PIK3CA: variants seen among roughly 807,000 people sequenced by gnomAD.
The protein encoded by PIK3CA is phosphatidylinositol 4,5-bisphosphate 3-kinase catalytic subunit alpha isoform.
PIK3CA carries 27 observed loss-of-function variants against 138.2 expected under a neutral mutation model. The observed-to-expected ratio is 0.20, with a 90% CI of 0.14 to 0.27. PIK3CA has a LOEUF of 0.27. PIK3CA is among the 10% of genes least tolerant of loss of function. The pLI, the probability that PIK3CA is intolerant of heterozygous loss-of-function variation, is 1.00. For missense variants in PIK3CA, 544 were observed against 1,277.4 expected, an observed-to-expected ratio of 0.43 and a Z score of 8.75; for synonymous variants, 358 against 413.2, an observed-to-expected ratio of 0.87 and a Z score of 1.62.
intron 1 of PIK3CA, among the ~76,000 whole-genome samples, chr3:179,164,615 C>A (rs1176296508): frequency 2.6e-5 from 4 of 152,114 alleles, no homozygotes; most frequent in Non-Finnish European, 5.9e-5. Context: ...TGCCTGTAAT[C>A]CCAGCACTTT....
intron 1 of PIK3CA, among the ~76,000 whole-genome samples, chr3:179,185,066 T>G (rs1723942740): frequency 6.6e-6 from 1 of 152,192 alleles, no homozygotes; most frequent in African/African-American, 2.4e-5. Context: ...TAGCAACTGT[T>G]TTCCAAGAAG....
chr3:179,149,643 C>T (rs1722958833), intron 1 of PIK3CA: 1 of 152,188 alleles, frequency 6.6e-6, no homozygotes, highest in African/African-American at 2.4e-5. Flanking sequence ...TGTGCACATG[C>T]AGGACCTGGG....
chr3:179,175,318 G>A (rs1194537476), intron 1 of PIK3CA, among the ~76,000 whole-genome samples: 1 of 152,144 alleles, frequency 6.6e-6, no homozygotes, highest in Admixed American at 6.5e-5. Flanking sequence ...TATTGCTCTG[G>A]TATCTTCCAG....
intron 9 of PIK3CA, among the ~76,000 whole-genome samples, chr3:179,212,822 TAAC>T (rs1377702725): frequency 1.3e-5 from 2 of 152,206 alleles, no homozygotes; most frequent in Non-Finnish European, 2.9e-5. Context: ...ATTTTCTTAA[TAAC>T]ATTTTATTTT....
At chr3:179,182,007 CTT>C (rs918815652) in intron 1 of PIK3CA, among the ~76,000 whole-genome samples, 17 of 152,302 alleles carry the variant, frequency 1.1e-4, no homozygotes, top group African/African-American at 3.1e-4. Context: ...AACCTAAAAA[CTT>C]TCCCATTTCT....
chr3:179,183,614 A>T (rs1246571234), intron 1 of PIK3CA, among the ~76,000 whole-genome samples: 1 of 152,198 alleles, frequency 6.6e-6, no homozygotes, highest in Non-Finnish European at 1.5e-5. Context: ...TGTGCTTTAT[A>T]TCTATTTGTA....
intron 9 of PIK3CA, among the ~76,000 whole-genome samples, chr3:179,212,003 CTTTGTTTGTT>C (rs1280191264): frequency 6.6e-6 from 1 of 151,946 alleles, no homozygotes; most frequent in East Asian, 2.0e-4. Context: ...ACAACATAAA[CTTTGTTTGTT>C]TTTGTTTTTT....
chr3:179,239,876 TGACACAGCA>T lies in PIK3CA; in HGVS notation c.*5513_*5521del, dbSNP rs1410505652. The stretch of plus-strand genomic sequence containing the variant: ...TTTTAATGATGGCCCAGAAAGCATT[TGACACAGCA>T]AGATGCATGTGTTACTATATTGAGA... On this transcript the variant is annotated 3_prime_UTR_variant, in exon 21 of 21. Coordinates refer to ENST00000263967, the MANE Select transcript of PIK3CA (RefSeq NM_006218.4). 22 of 599,324 alleles carry T rather than the reference TGACACAGCA, an allele frequency of 3.7e-5. No individual in the cohort carries two copies. 37.1% of individuals were successfully genotyped at this position (599,324 alleles called of 1,614,324 possible). A position where few individuals can be genotyped will look rare whatever the true frequency, so the allele number is the denominator to read the frequency against.
chr3:179,195,173 G>T (rs1395823825), intron 1 of PIK3CA, among the ~76,000 whole-genome samples: 1 of 151,654 alleles, frequency 6.6e-6, no homozygotes, highest in Admixed American at 6.6e-5. Flanking sequence ...ACTCTTCCAG[G>T]CTTGTGTGTG....
rs1724950049 is a variant in PIK3CA at position 179,220,925 on chromosome 3, T to C, written c.2016-61T>C. The C allele has an allele frequency of 1.0e-6, 1 of 969,856 alleles. No individual in the cohort carries two copies. The highest frequency in any genetic ancestry group is 3.3e-5 in the Admixed American group (1 of 30,402). 60.1% of individuals were successfully genotyped at this position (969,856 alleles called of 1,614,324 possible). ...GAGTGTTTAAATTGTTTAGCAAAGA[T>C]TATTTGTATACTGATTTAAGACTAT... On this transcript the variant is annotated intron_variant, in intron 13 of 20. Transcript: ENST00000263967. The surrounding 1 kb of genome is among the most constrained non-coding windows in gnomAD (Gnocchi z 4.1).
rs779469679 is a variant in PIK3CA at position 179,239,692 on chromosome 3, A to G, written c.*5328A>G. On this transcript the variant is annotated 3_prime_UTR_variant, in exon 21 of 21. Coordinates refer to ENST00000263967, the MANE Select transcript of PIK3CA (RefSeq NM_006218.4). ...GTGGCACTACCAAAAGAAGACTACTAACACGTCAGATGTTCACCTGGAAGC... is the reference window on the plus strand; with the variant it reads ...GTGGCACTACCAAAAGAAGACTACTGACACGTCAGATGTTCACCTGGAAGC... The G allele has an allele frequency of 1.2e-5, 4 of 322,026 alleles. No individual in the cohort carries two copies. Among genetic ancestry groups the G allele is most frequent in the Non-Finnish European group, 2.3e-5 (4 of 176,804 alleles). 19.9% of individuals were successfully genotyped at this position (322,026 alleles called of 1,614,324 possible).
Position 179,219,583 on chromosome 3 carries a change from G to A in PIK3CA, c.1759G>A (p.Val587Ile), listed in dbSNP as rs1467831050. 1.4e-6 allele frequency: 2 copies of A among 1,458,258 alleles called. No individual in the cohort carries two copies. Among genetic ancestry groups the A allele is most frequent in the South Asian group, 1.1e-5 (1 of 87,112 alleles). The allele number at this position is 1,458,258 out of a possible 1,614,324, so 90.3% of individuals were successfully genotyped here. ...RDEVAQMYCLVKDWPPIKPEQ... is the reference protein window; with the variant it reads ...RDEVAQMYCLIKDWPPIKPEQ... ...TTCTCATACACAGATGTATTGCTTG[G>A]TAAAAGATTGGCCTCCAATCAAACC... The change falls in exon 12 of 21, where the codon GTA becomes ATA. Residue 587 changes from valine (V) to isoleucine (I), a missense_variant. This residue lies in a region of PIK3CA where 11 missense variants were observed against 48.4 expected (regional missense o/e 0.23). Transcript: ENST00000263967. The surrounding 1 kb of genome is among the most constrained non-coding windows in gnomAD (Gnocchi z 4.2).
intron 14 of PIK3CA, 67 bp downstream of exon 14, chr3:179,221,224 A>G (rs537477040): frequency 2.8e-6 from 3 of 1,078,956 alleles, no homozygotes; most frequent in Non-Finnish European, 4.2e-6. Flanking sequence ...TTAGAAGCCC[A>G]GTGTATATAC....
intron 1 of PIK3CA, among the ~76,000 whole-genome samples, chr3:179,183,981 G>A (rs1284728545): frequency 1.3e-5 from 2 of 151,684 alleles, no homozygotes; most frequent in African/African-American, 2.4e-5. Flanking sequence ...TAAAAGCAAG[G>A]TCCTTCTAGT....
At position 179,219,468 on chromosome 3, in the gene PIK3CA, T is replaced by C. The variant is rs1724916349; in HGVS notation, c.1747-103T>C. 1.0e-5 allele frequency: 7 copies of C among 673,882 alleles called. No homozygotes were observed. Among genetic ancestry groups the C allele is most frequent in the African/African-American group, 3.6e-5 (2 of 54,922 alleles). The allele number at this position is 673,882 out of a possible 1,614,324, so 41.7% of individuals were successfully genotyped here. A position where few individuals can be genotyped will look rare whatever the true frequency, so the allele number is the denominator to read the frequency against. ...CTGTAAATTCTAAGGAGATTATTTA[T>C]CTAAACTAATTTTAAAATCAGAAGT... On this transcript the variant is annotated intron_variant, in intron 11 of 20. Coordinates refer to ENST00000263967, the MANE Select transcript of PIK3CA (RefSeq NM_006218.4). The surrounding 1 kb of genome is among the most constrained non-coding windows in gnomAD (Gnocchi z 4.2).
At chr3:179,185,221 G>C (rs1280218670) in intron 1 of PIK3CA, among the ~76,000 whole-genome samples, 1 of 152,172 alleles carries the variant, frequency 6.6e-6, no homozygotes, top group African/African-American at 2.4e-5. Flanking sequence ...ATAAACTTCA[G>C]GGGGGAGAAG....
rs1416052757 is a variant in PIK3CA at position 179,238,905 on chromosome 3, T to C, written c.*4541T>C. 2 of 218,430 alleles carry C rather than the reference T, an allele frequency of 9.2e-6. No homozygotes were observed. Among genetic ancestry groups the C allele is most frequent in the Non-Finnish European group, 9.2e-6 (1 of 108,876 alleles). 13.5% of individuals were successfully genotyped at this position (218,430 alleles called of 1,614,324 possible). A position where few individuals can be genotyped will look rare whatever the true frequency, so the allele number is the denominator to read the frequency against. On this transcript the variant is annotated 3_prime_UTR_variant, in exon 21 of 21. Coordinates refer to ENST00000263967, the MANE Select transcript of PIK3CA (RefSeq NM_006218.4). Reference sequence around the variant, plus strand: ...TTTCCCAAGTTGGGATGTTAGTCTTTAAATAAACTTCATGCACCTATTCCA... The same window carrying C: ...TTTCCCAAGTTGGGATGTTAGTCTTCAAATAAACTTCATGCACCTATTCCA...
At chr3:179,205,942 G>A (rs1451668019) in intron 6 of PIK3CA, among the ~76,000 whole-genome samples, 1 of 152,180 alleles carries the variant, frequency 6.6e-6, no homozygotes. Context: ...CACCCTTTTA[G>A]AGCCTAGGTA....
intron 15 of PIK3CA, 147 bp from the exon 16 acceptor site, chr3:179,224,553 A>G: frequency 2.0e-6 from 1 of 498,014 alleles, no homozygotes; most frequent in Non-Finnish European, 3.4e-6. Flanking sequence ...CTCTTTAGGA[A>G]TGGATTCCTA....
Sources: allele counts gnomAD v4.1 joint callset (sites outside exome capture counted in the v4.1 genomes callset), GRCh38; gene constraint gnomAD v4.1.1; regional missense constraint gnomAD v4.1.1; non-coding constraint Gnocchi (gnomAD v3.1); transcripts MANE v1.5; gene names NCBI Gene and HGNC (gene_info 2026-07-23, HGNC 2026-07-21).